The following MAPKAP1 variants were observed in gnomAD, a reference collection of about 807,000 sequenced individuals.
MAPKAP1 encodes MAPK associated protein 1.
Under a neutral mutation model 65.7 loss-of-function variants are expected in MAPKAP1, and 20 were observed. The observed-to-expected ratio is 0.30, with a 90% CI of 0.21 to 0.44. The LOEUF is 0.44. Among genes scored for constraint, MAPKAP1 ranks in the 20% least tolerant of loss-of-function variants. The pLI, the probability that MAPKAP1 is intolerant of heterozygous loss-of-function variation, is 1.00. For synonymous variants in MAPKAP1, 222 were observed against 244.3 expected (o/e 0.91, Z 0.85); for missense variants, 423 against 648.0 (o/e 0.65, Z 3.77).
chr9:125,594,396 C>A (rs976774116), intron 4 of MAPKAP1, among the ~76,000 whole-genome samples: 1 of 152,182 alleles, frequency 6.6e-6, no homozygotes, highest in Non-Finnish European at 1.5e-5. Context: ...TCGGGGTCAG[C>A]TAGGCCCAGG....
intron 7 of MAPKAP1, among the ~76,000 whole-genome samples, chr9:125,511,108 T>C (rs1184467693): frequency 6.6e-6 from 1 of 152,140 alleles, no homozygotes; most frequent in Non-Finnish European, 1.5e-5. Flanking sequence ...TGTAAGGCAG[T>C]TGGAACAATG....
chr9:125,482,025 G>A (rs535651131), intron 9 of MAPKAP1, among the ~76,000 whole-genome samples: 4 of 151,386 alleles, frequency 2.6e-5, no homozygotes, highest in South Asian at 4.2e-4. Context: ...CCAGCTACTC[G>A]GGAGGCTGAG....
chr9:125,614,093 C>T (rs569182835), intron 4 of MAPKAP1, among the ~76,000 whole-genome samples: 4 of 151,752 alleles, frequency 2.6e-5, no homozygotes, highest in Non-Finnish European at 4.4e-5. Flanking sequence ...CCACCAGGCC[C>T]GGCCAAAAAA....
At chr9:125,693,664 C>T (rs572413473) in intron 1 of MAPKAP1, among the ~76,000 whole-genome samples, 1,265 of 124,364 alleles carry the variant, frequency 0.01, 42 homozygotes, top group African/African-American at 0.05. Context: ...TACATACACA[C>T]ACATATACAC....
chr9:125,548,159 T>C (rs547985596), intron 6 of MAPKAP1, among the ~76,000 whole-genome samples: 70 of 152,358 alleles, frequency 4.6e-4, no homozygotes, highest in African/African-American at 1.6e-3. Context: ...TTAGGGAATT[T>C]ACCTGAGATC....
intron 5 of MAPKAP1, among the ~76,000 whole-genome samples, chr9:125,584,121 A>C (rs1317586169): frequency 6.6e-6 from 1 of 151,992 alleles, no homozygotes; most frequent in Non-Finnish European, 1.5e-5. Context: ...GTTCTGTGAC[A>C]CCTTTTCCTG....
rs1275846955 is a variant in MAPKAP1 at position 125,447,080 on chromosome 9, C to CAT, written c.1346-2484_1346-2483dup. ...AGTCACGTGAAAAAAACAAAAAAAT[C>CAT]ATACCAAGCCAAGTCTCCTGAAAGG... On this transcript the variant is annotated intron_variant, in intron 10 of 11. Coordinates refer to ENST00000265960, the MANE Select transcript of MAPKAP1 (RefSeq NM_001006617.3). The surrounding 1 kb of genome is among the most constrained non-coding windows in gnomAD (Gnocchi z 4.5). 6.6e-6 allele frequency among the ~76,000 whole-genome samples: 1 copy of CAT among 152,136 alleles called. No individual in the cohort carries two copies. Among genetic ancestry groups the CAT allele is most frequent in the African/African-American group, 2.4e-5 (1 of 41,392 alleles).
intron 4 of MAPKAP1, among the ~76,000 whole-genome samples, chr9:125,644,178 C>T (rs1160522177): frequency 6.6e-6 from 1 of 152,128 alleles, no homozygotes; most frequent in African/African-American, 2.4e-5. Context: ...GAAAAATAGA[C>T]ATTTTACTAA....
At chr9:125,486,591 T>C (rs1854506675) in intron 8 of MAPKAP1, among the ~76,000 whole-genome samples, 1 of 152,252 alleles carries the variant, frequency 6.6e-6, no homozygotes. Context: ...AGTTGGTGTC[T>C]GATGCTTTCA....
intron 1 of MAPKAP1, among the ~76,000 whole-genome samples, chr9:125,690,186 G>A (rs936044419): frequency 1.3e-5 from 2 of 152,060 alleles, no homozygotes; most frequent in Admixed American, 1.3e-4. Flanking sequence ...TCACAATAAT[G>A]GAAGAAGTCA....
intron 4 of MAPKAP1, 38 bp from the exon 5 acceptor site, chr9:125,585,765 G>C: frequency 1.2e-6 from 2 of 1,600,852 alleles, no homozygotes; most frequent in Non-Finnish European, 1.7e-6. Context: ...AAAGCACACT[G>C]CCAGTTATAC....
At chr9:125,613,270 C>G (rs1317873444) in intron 4 of MAPKAP1, among the ~76,000 whole-genome samples, 1 of 152,210 alleles carries the variant, frequency 6.6e-6, no homozygotes, top group East Asian at 1.9e-4. Context: ...GTGGACTGTA[C>G]CACCCAGATT....
intron 10 of MAPKAP1, among the ~76,000 whole-genome samples, chr9:125,461,081 C>G (rs926323544): frequency 6.6e-6 from 1 of 152,204 alleles, no homozygotes; most frequent in African/African-American, 2.4e-5. Context: ...CCAAACTGTT[C>G]CCTGAAAGCA....
At chr9:125,696,022 A>G (rs1397671455) in intron 1 of MAPKAP1, among the ~76,000 whole-genome samples, 2 of 152,146 alleles carry the variant, frequency 1.3e-5, no homozygotes, top group African/African-American at 2.4e-5. Context: ...GCCTGAAACT[A>G]TTTCAATTAT....
At chr9:125,576,548 A>G (rs1482883481) in intron 5 of MAPKAP1, among the ~76,000 whole-genome samples, 4 of 150,764 alleles carry the variant, frequency 2.7e-5, no homozygotes, top group African/African-American at 7.3e-5. Context: ...CTCTCTTTCC[A>G]CGGTCTCCCT....
intron 4 of MAPKAP1, among the ~76,000 whole-genome samples, chr9:125,611,174 A>C (rs1293222372): frequency 6.6e-6 from 1 of 152,224 alleles, no homozygotes; most frequent in Non-Finnish European, 1.5e-5. Context: ...TGCTACACAT[A>C]AGGGTGCTCA....
intron 5 of MAPKAP1, chr9:125,568,789 G>C (rs570492065): frequency 1.9e-5 from 3 of 158,422 alleles, no homozygotes; most frequent in South Asian, 3.6e-4. Context: ...GGTGCTGCAA[G>C]CTGGATCACT....
At chr9:125,473,252 A>C (rs1853989066) in intron 9 of MAPKAP1, among the ~76,000 whole-genome samples, 1 of 152,088 alleles carries the variant, frequency 6.6e-6, no homozygotes, top group Non-Finnish European at 1.5e-5. Context: ...GGTGGGGAAG[A>C]AAAGAGCACG....
chr9:125,693,500 T>C (rs1057481897), intron 1 of MAPKAP1, among the ~76,000 whole-genome samples: 7 of 145,750 alleles, frequency 4.8e-5, no homozygotes, highest in South Asian at 2.1e-4. Flanking sequence ...TATACACACA[T>C]ATATACACAT....
Sources: allele counts gnomAD v4.1 joint callset (sites outside exome capture counted in the v4.1 genomes callset), GRCh38; gene constraint gnomAD v4.1.1; non-coding constraint Gnocchi (gnomAD v3.1); transcripts MANE v1.5; gene names NCBI Gene and HGNC (gene_info 2026-07-23, HGNC 2026-07-21).